Variants in ENPP2 observed in about 807,000 individuals in gnomAD.
ENPP2 encodes the protein ectonucleotide pyrophosphatase/phosphodiesterase 2.
In ENPP2, 51 loss-of-function variants were observed where a neutral mutation model predicts 120.2. That is an observed-to-expected ratio of 0.42 (90% CI 0.34 to 0.54). ENPP2 has a LOEUF of 0.54. Ranked by LOEUF, ENPP2 falls within the 20% of genes least tolerant of loss-of-function variation. The probability of loss-of-function intolerance (pLI) is 0.04; values close to 1 mark genes in which losing one functional copy is unlikely to be tolerated. For synonymous variants in ENPP2, 365 were observed against 366.4 expected, an observed-to-expected ratio of 1.00 and a Z score of 0.04; for missense variants, 920 against 1,066.5, an observed-to-expected ratio of 0.86 and a Z score of 1.91.
intron 3 of ENPP2, among the ~76,000 whole-genome samples, chr8:119,625,831 C>T (rs924687492): frequency 6.6e-6 from 1 of 152,152 alleles, no homozygotes; most frequent in Non-Finnish European, 1.5e-5. Flanking sequence ...ATACAGAAGC[C>T]TGTACATCCT....
intron 16 of ENPP2, 61 bp downstream of exon 16, chr8:119,583,901 T>C: frequency 7.1e-7 from 1 of 1,412,902 alleles, no homozygotes; most frequent in South Asian, 1.1e-5. Flanking sequence ...CACACCACCA[T>C]TACTTATCCT....
intron 22 of ENPP2, among the ~76,000 whole-genome samples, chr8:119,566,358 C>G (rs1443983733): frequency 1.3e-5 from 2 of 152,176 alleles, no homozygotes; most frequent in South Asian, 4.1e-4. Context: ...TGGCTGTTAA[C>G]CCCTCTTCCC....
chr8:119,569,419 C>T (rs778747491), intron 20 of ENPP2, 49 bp from the exon 21 acceptor site: 26 of 1,594,950 alleles, frequency 1.6e-5, no homozygotes, highest in East Asian at 6.7e-5. Context: ...CTGTTACGAA[C>T]GGCTGAAATC....
At chr8:119,611,984 G>C (rs1452911023) in intron 8 of ENPP2, among the ~76,000 whole-genome samples, 1 of 152,128 alleles carries the variant, frequency 6.6e-6, no homozygotes, top group South Asian at 2.1e-4. Flanking sequence ...AGCCGAGACT[G>C]TGCCACTGCC....
chr8:119,569,106 A>T (rs1814734608), intron 21 of ENPP2, 129 bp downstream of exon 21: 1 of 878,948 alleles, frequency 1.1e-6, no homozygotes, highest in African/African-American at 1.7e-5. Flanking sequence ...GGATCCCATA[A>T]AAATTCATTT....
At chr8:119,610,952 TG>T (rs2130658337) in intron 8 of ENPP2, among the ~76,000 whole-genome samples, 1 of 151,136 alleles carries the variant, frequency 6.6e-6, no homozygotes, top group East Asian at 1.9e-4. Flanking sequence ...AAGAAAACAC[TG>T]GGTTTGGGCT....
At chr8:119,618,083 A>T (rs994551901) in intron 5 of ENPP2, 1 of 277,230 alleles carries the variant, frequency 3.6e-6, no homozygotes, top group Non-Finnish European at 7.1e-6. Context: ...CTTGTGTATG[A>T]GATCTGTTAA....
intron 24 of ENPP2, among the ~76,000 whole-genome samples, chr8:119,561,812 TG>T (rs1563663399): frequency 2.4e-3 from 361 of 151,814 alleles, no homozygotes; most frequent in African/African-American, 8.0e-3. Context: ...TGTGTGTGTG[TG>T]TTTGTGTGTG....
intron 11 of ENPP2, among the ~76,000 whole-genome samples, chr8:119,598,366 A>G (rs578112990): frequency 6.6e-6 from 1 of 152,312 alleles, no homozygotes; most frequent in South Asian, 2.1e-4. Context: ...AGAAGTAGTA[A>G]TACTGAAAAA....
At chr8:119,670,904 CA>C (rs1818223726) in intron 1 of ENPP2, among the ~76,000 whole-genome samples, 1 of 151,878 alleles carries the variant, frequency 6.6e-6, no homozygotes, top group South Asian at 2.1e-4. Flanking sequence ...GTGTATCCAC[CA>C]AAATTATTCT....
At position 119,570,706 on chromosome 8, in the gene ENPP2, T is replaced by G; in HGVS notation, c.1916A>C (p.Gln639Pro). The G allele has an allele frequency of 6.5e-7, 1 of 1,528,886 alleles. No homozygotes were observed. 94.7% of individuals were successfully genotyped at this position (1,528,886 alleles called of 1,614,324 possible). A position where few individuals can be genotyped will look rare whatever the true frequency, so the allele number is the denominator to read the frequency against. ...PLWTSYTVSK[Q>P]AEVSSVPDHL... is the part of the protein sequence containing the mutation. ...ATAAAATCCAATTTTCTCAATGACC[T>G]GTTTGGAAACAGTATATGATGTCCA... Residue 639 changes from glutamine to proline, a missense_variant and splice_region_variant, in exon 20 of 25, where the codon CAG becomes CCG. Physicochemically the swap from Gln to Pro is moderately conservative, Grantham distance 76. Transcript: ENST00000075322.
At chr8:119,639,151 T>C (rs555552133), upstream of ENPP2, among the ~76,000 whole-genome samples, 3 of 152,312 alleles carry the variant, frequency 2.0e-5, no homozygotes, top group Non-Finnish European at 2.9e-5. Flanking sequence ...ACCAAATGCA[T>C]TTCATCCGAT....
At chr8:119,663,363 C>T (rs1817980599) in intron 1 of ENPP2, among the ~76,000 whole-genome samples, 1 of 152,176 alleles carries the variant, frequency 6.6e-6, no homozygotes, top group Admixed American at 6.5e-5. Context: ...ACAAAATTAT[C>T]TTACAGATAG....
intron 20 of ENPP2, 66 bp downstream of exon 20, chr8:119,570,639 G>A: frequency 3.6e-6 from 3 of 825,828 alleles, no homozygotes; most frequent in Non-Finnish European, 5.5e-6. Flanking sequence ...GTTAAGCAAG[G>A]AATCATTGTA....
chr8:119,660,591 C>A (rs1358276079), intron 1 of ENPP2, among the ~76,000 whole-genome samples: 2 of 152,186 alleles, frequency 1.3e-5, no homozygotes, highest in African/African-American at 4.8e-5. Context: ...CTTTGGAATT[C>A]AAACAGATCT....
Position 119,582,835 on chromosome 8 carries a change from T to A in ENPP2, c.1544-233A>T, listed in dbSNP as rs977720587. Among the ~76,000 whole-genome samples the A allele has an allele frequency of 1.1e-4, 16 of 151,938 alleles. No individual in the cohort carries two copies. The highest frequency in any genetic ancestry group is 4.4e-5 in the Non-Finnish European group (3 of 67,978). On this transcript the variant is annotated intron_variant, in intron 17 of 24. Coordinates refer to ENST00000075322, the MANE Select transcript of ENPP2 (RefSeq NM_001040092.3). ...CCCAAGTTCATTGCCTGACCATGAA[T>A]AGAGAGAGAGAGATTCCCAGAAAGA...
At chr8:119,604,511 T>C (rs1294525916) in intron 9 of ENPP2, among the ~76,000 whole-genome samples, 1 of 150,890 alleles carries the variant, frequency 6.6e-6, no homozygotes, top group Non-Finnish European at 1.5e-5. Context: ...AAAAAAGAAA[T>C]GGGGTACATG....
chr8:119,596,134 T>C lies in ENPP2; in HGVS notation c.973-2274A>G, dbSNP rs189624141. The C allele has an allele frequency of 2.3e-3, 1,691 of 725,828 alleles. 3 individuals carry two copies. Among genetic ancestry groups the C allele is most frequent in the Admixed American group, 5.6e-3 (192 of 33,986 alleles). The allele number at this position is 725,828 out of a possible 1,614,324, so 45.0% of individuals were successfully genotyped here. A position where few individuals can be genotyped will look rare whatever the true frequency, so the allele number is the denominator to read the frequency against. On this transcript the variant is annotated intron_variant, in intron 11 of 24. Coordinates refer to ENST00000075322, the MANE Select transcript of ENPP2 (RefSeq NM_001040092.3). ...TAAGGCTCCTTAAGTGAGAAAAAAT[T>C]GGAATGAGGGATGGATGATTAGAGG...
At chr8:119,620,165 G>A (rs1305479069) in intron 4 of ENPP2, among the ~76,000 whole-genome samples, 1 of 152,008 alleles carries the variant, frequency 6.6e-6, no homozygotes, top group Non-Finnish European at 1.5e-5. Context: ...CACACACGTG[G>A]GCCTCACAAA....
Sources: gnomAD v4.1 joint callset for allele counts (sites outside exome capture counted in the v4.1 genomes callset) on GRCh38, gnomAD v4.1.1 for gene constraint, MANE v1.5 for transcripts, NCBI Gene and HGNC (gene_info 2026-07-23, HGNC 2026-07-21) for gene names.